NFIA: variants seen among roughly 807,000 people sequenced by gnomAD.
The protein encoded by NFIA is nuclear factor 1 A-type.
In NFIA, 8 loss-of-function variants were observed where a neutral mutation model predicts 62.8. The ratio of observed to expected loss-of-function variants is 0.13; its 90% CI spans 0.07 to 0.23. The LOEUF (loss-of-function observed/expected upper bound fraction) is 0.23, where lower values mean the gene tolerates loss of function less well. Ranked by LOEUF, NFIA falls within the 10% of genes least tolerant of loss-of-function variation. The pLI is 1.00. For missense variants in NFIA, 410 were observed against 642.1 expected (o/e 0.64, Z 3.91); for synonymous variants, 235 against 238.1 (o/e 0.99, Z 0.12).
At chr1:61,306,005 G>A (rs531202202) in intron 3 of NFIA, among the ~76,000 whole-genome samples, 3 of 151,328 alleles carry the variant, frequency 2.0e-5, no homozygotes, top group South Asian at 2.1e-4. Context: ...ACACCACCAC[G>A]CCCGGCTAAT....
intron 9 of NFIA, among the ~76,000 whole-genome samples, chr1:61,410,310 G>A (rs997768261): frequency 6.6e-6 from 1 of 152,108 alleles, no homozygotes; most frequent in Admixed American, 6.5e-5. Flanking sequence ...CCAGCTGGGG[G>A]CCTAAAATTG....
chr1:61,319,523 T>G (rs72911974), intron 3 of NFIA, among the ~76,000 whole-genome samples: 1 of 152,072 alleles, frequency 6.6e-6, no homozygotes, highest in East Asian at 1.9e-4. Flanking sequence ...TCAAGCTGTG[T>G]GTCTGTGTGT....
At chr1:61,094,837 G>C (rs913359155) in intron 2 of NFIA, among the ~76,000 whole-genome samples, 2 of 152,128 alleles carry the variant, frequency 1.3e-5, no homozygotes, top group African/African-American at 4.8e-5. Flanking sequence ...TTATCTAATG[G>C]AATTAGTCCT....
chr1:61,082,558 G>C, upstream of NFIA: 1 of 1,449,984 alleles, frequency 6.9e-7, no homozygotes. Context: ...GGAAACTCTA[G>C]GCGGGGTTAA....
At chr1:61,148,252 C>T (rs1355194991) in intron 2 of NFIA, among the ~76,000 whole-genome samples, 3 of 152,132 alleles carry the variant, frequency 2.0e-5, no homozygotes, top group South Asian at 2.1e-4. Context: ...CTGGTCCCTG[C>T]GTACCTCTGT....
intron 9 of NFIA, among the ~76,000 whole-genome samples, chr1:61,417,762 T>C (rs1280436630): frequency 6.6e-6 from 1 of 152,156 alleles, no homozygotes; most frequent in Non-Finnish European, 1.5e-5. Flanking sequence ...ATGAAATGAT[T>C]TTAGTGTTTT....
chr1:61,436,872 T>TAAG (rs1210425800), intron 10 of NFIA, among the ~76,000 whole-genome samples: 4 of 152,244 alleles, frequency 2.6e-5, no homozygotes, highest in Non-Finnish European at 1.5e-5. Context: ...TCTAATTGGC[T>TAAG]TTTCACTTTC....
intron 4 of NFIA, among the ~76,000 whole-genome samples, chr1:61,333,539 G>C (rs954227382): frequency 6.6e-6 from 1 of 152,172 alleles, no homozygotes; most frequent in African/African-American, 2.4e-5. Context: ...TGTGGGAACA[G>C]GGGAGAATCT....
intron 2 of NFIA, among the ~76,000 whole-genome samples, chr1:61,162,817 C>CT (rs1188371490): frequency 0.058 from 8,009 of 138,520 alleles, 541 homozygotes; most frequent in African/African-American, 0.16. Context: ...CTCTTTCAAC[C>CT]TTTTTTTTTT....
chr1:61,454,371 G>A (rs1668206988), intron 10 of NFIA, among the ~76,000 whole-genome samples: 1 of 152,212 alleles, frequency 6.6e-6, no homozygotes, highest in African/African-American at 2.4e-5. Flanking sequence ...AATGCCAGCA[G>A]ATAAAGTGAT....
chr1:61,173,378 AT>A (rs1421450902), intron 2 of NFIA, among the ~76,000 whole-genome samples: 1 of 151,578 alleles, frequency 6.6e-6, no homozygotes, highest in Non-Finnish European at 1.5e-5. Flanking sequence ...CTTGAGATTT[AT>A]TTTCTTCTCT....
intron 5 of NFIA, among the ~76,000 whole-genome samples, chr1:61,357,346 C>G (rs1040157495): frequency 1.3e-5 from 2 of 152,198 alleles, no homozygotes; most frequent in Non-Finnish European, 2.9e-5. Flanking sequence ...GACATTAACC[C>G]TTTAGATTTC....
At chr1:61,307,112 G>A (rs1277575082) in intron 3 of NFIA, among the ~76,000 whole-genome samples, 2 of 152,132 alleles carry the variant, frequency 1.3e-5, no homozygotes, top group Non-Finnish European at 2.9e-5. Context: ...GCATGAGCTT[G>A]GAAGGATTTT....
chr1:61,200,955 A>T (rs1365041745), intron 2 of NFIA, among the ~76,000 whole-genome samples: 1 of 151,764 alleles, frequency 6.6e-6, no homozygotes, highest in Non-Finnish European at 1.5e-5. Flanking sequence ...CTTTTCATGT[A>T]TGAATGATTC....
chr1:61,365,863 C>T (rs976868175), intron 6 of NFIA, among the ~76,000 whole-genome samples: 1 of 152,136 alleles, frequency 6.6e-6, no homozygotes, highest in Non-Finnish European at 1.5e-5. Flanking sequence ...GAAATATCAT[C>T]ATTAGGATTA....
chr1:61,437,444 C>G (rs1667379794), intron 10 of NFIA, among the ~76,000 whole-genome samples: 1 of 151,954 alleles, frequency 6.6e-6, no homozygotes, highest in Non-Finnish European at 1.5e-5. Flanking sequence ...GTCAAAATAC[C>G]TGGATTCCTA....
intron 7 of NFIA, among the ~76,000 whole-genome samples, chr1:61,386,490 T>C (rs538929104): frequency 1.3e-5 from 2 of 152,228 alleles, no homozygotes; most frequent in Non-Finnish European, 2.9e-5. Flanking sequence ...AGGCTTCTGC[T>C]GCCTTCCCTA....
chr1:61,318,510 T>G (rs1207586726), intron 3 of NFIA, among the ~76,000 whole-genome samples: 1 of 152,202 alleles, frequency 6.6e-6, no homozygotes, highest in Non-Finnish European at 1.5e-5. Flanking sequence ...TGCTCTGAGC[T>G]GCAAAGGACA....
At chr1:61,116,602 AAAG>A (rs1646797399) in intron 2 of NFIA, among the ~76,000 whole-genome samples, 1 of 152,200 alleles carries the variant, frequency 6.6e-6, no homozygotes, top group South Asian at 2.1e-4. Context: ...CCACCCAAAT[AAAG>A]AATGTTTCAT....
Sources: allele counts gnomAD v4.1 joint callset (sites outside exome capture counted in the v4.1 genomes callset), GRCh38; gene constraint gnomAD v4.1.1; transcripts MANE v1.5; gene names NCBI Gene and HGNC (gene_info 2026-07-23, HGNC 2026-07-21).